DROSHA: variants seen among roughly 807,000 people sequenced by gnomAD.
DROSHA encodes the protein ribonuclease 3.
Under a neutral mutation model 181.9 loss-of-function variants are expected in DROSHA, and 56 were observed. The ratio of observed to expected loss-of-function variants is 0.31; its 90% confidence interval spans 0.25 to 0.38. The LOEUF (loss-of-function observed/expected upper bound fraction) is 0.38. DROSHA is among the 10% of genes least tolerant of loss of function. The pLI is 1.00. For synonymous variants in DROSHA, 524 were observed against 591.2 expected (o/e 0.89, Z 1.65); for missense variants, 1,218 against 1,743.5 (o/e 0.70, Z 5.37).
intron 15 of DROSHA, among the ~76,000 whole-genome samples, chr5:31,484,094 G>A (rs1488388956): frequency 6.6e-6 from 1 of 152,050 alleles, no homozygotes; most frequent in Admixed American, 6.5e-5. Flanking sequence ...TCCAACCGCT[G>A]GGCGCAGTGG....
chr5:31,482,944 A>C (rs913744309), intron 16 of DROSHA, among the ~76,000 whole-genome samples: 7 of 152,014 alleles, frequency 4.6e-5, no homozygotes, highest in Non-Finnish European at 1.0e-4. Flanking sequence ...GGTACATGTC[A>C]CTAAACTGAC....
intron 9 of DROSHA, among the ~76,000 whole-genome samples, chr5:31,509,137 T>C (rs1482862847): frequency 6.6e-6 from 1 of 152,106 alleles, no homozygotes; most frequent in East Asian, 1.9e-4. Context: ...AACTGGTTTT[T>C]GTGGAGGCTT....
chr5:31,446,662 GC>G (rs1746337084), intron 23 of DROSHA, among the ~76,000 whole-genome samples: 1 of 142,658 alleles, frequency 7.0e-6, no homozygotes, highest in East Asian at 2.1e-4. Flanking sequence ...CATAGCAAGA[GC>G]CCTGTCTCTA....
intron 16 of DROSHA, among the ~76,000 whole-genome samples, chr5:31,475,509 T>C (rs1236868038): frequency 6.6e-6 from 1 of 152,140 alleles, no homozygotes; most frequent in African/African-American, 2.4e-5. Flanking sequence ...AAAATTCTAA[T>C]GCCAGAATAC....
At chr5:31,503,936 A>G (rs1737607099) in intron 11 of DROSHA, among the ~76,000 whole-genome samples, 1 of 152,234 alleles carries the variant, frequency 6.6e-6, no homozygotes, top group Non-Finnish European at 1.5e-5. Context: ...TACTATGTTT[A>G]AATACAATGC....
intron 6 of DROSHA, among the ~76,000 whole-genome samples, chr5:31,519,175 A>G (rs559428481): frequency 6.6e-6 from 1 of 152,288 alleles, no homozygotes; most frequent in African/African-American, 2.4e-5. Context: ...CTTCTCTGCA[A>G]GCTACCAGGC....
At position 31,435,868 on chromosome 5, in the gene DROSHA, CA is replaced by C. The variant is rs199971247; in HGVS notation, c.2943-5del. 53,966 of 964,150 alleles carry C rather than the reference CA, an allele frequency of 0.056. No homozygotes were observed. Among genetic ancestry groups the C allele is most frequent in the South Asian group, 0.09 (4,299 of 47,852 alleles). 59.7% of individuals were successfully genotyped at this position (964,150 alleles called of 1,614,324 possible). A position where few individuals can be genotyped will look rare whatever the true frequency, so the allele number is the denominator to read the frequency against. Reference sequence around the variant, plus strand: ...AAACAAATAGTACAAATGGACGCTACAAAAAAAAAAAGAAGTACATGAATAA... The same window carrying C: ...AAACAAATAGTACAAATGGACGCTACAAAAAAAAAAGAAGTACATGAATAA... On this transcript the variant is annotated splice_polypyrimidine_tract_variant and splice_region_variant and intron_variant, in intron 24 of 35. Transcript: ENST00000344624.
At chr5:31,507,900 G>A (rs1002570237) in intron 10 of DROSHA, among the ~76,000 whole-genome samples, 2 of 151,996 alleles carry the variant, frequency 1.3e-5, no homozygotes, top group Admixed American at 1.3e-4. Context: ...TCTGCCAGAC[G>A]TTCTATAAAA....
intron 27 of DROSHA, among the ~76,000 whole-genome samples, chr5:31,428,145 C>A (rs761061554): frequency 6.6e-6 from 1 of 152,054 alleles, no homozygotes; most frequent in Non-Finnish European, 1.5e-5. Context: ...GGGAGAGAGG[C>A]AGTTTAAAGA....
Position 31,508,662 on chromosome 5 carries a change from C to G in DROSHA, c.1546G>C (p.Asp516His), listed in dbSNP as rs1296617291. The change falls in exon 10 of 36, where the codon GAC (aspartate) becomes CAC (histidine). Residue 516 changes from aspartate to histidine, a missense_variant. Transcript: ENST00000344624. Reference sequence around the variant, plus strand: ...TACCAAAGTTCATCATGAAGTCGGTCAGGGTGGGCCTTTTTGCGTTTGATT... The same window carrying G: ...TACCAAAGTTCATCATGAAGTCGGTGAGGGTGGGCCTTTTTGCGTTTGATT... The part of the protein sequence containing the change: ...AEIKRKKAHP[D>H]RLHDELWYND... The G allele has an allele frequency of 1.9e-6, 3 of 1,613,814 alleles. No individual in the cohort carries two copies. Among genetic ancestry groups the G allele is most frequent in the Admixed American group, 1.7e-5 (1 of 60,000 alleles).
intron 23 of DROSHA, among the ~76,000 whole-genome samples, chr5:31,444,269 T>C (rs1745992155): frequency 6.6e-6 from 1 of 152,176 alleles, no homozygotes. Flanking sequence ...GCCAAGAGGC[T>C]CTTTCTGAAC....
intron 6 of DROSHA, among the ~76,000 whole-genome samples, chr5:31,520,716 G>A (rs1739799781): frequency 6.6e-6 from 1 of 152,078 alleles, no homozygotes; most frequent in Non-Finnish European, 1.5e-5. Context: ...ATATAGAATT[G>A]ATTACACCCT....
intron 12 of DROSHA, 114 bp from the exon 13 acceptor site, chr5:31,493,407 A>G: frequency 1.2e-6 from 1 of 816,106 alleles, no homozygotes; most frequent in Non-Finnish European, 1.8e-6. Flanking sequence ...CCTTTCAGAC[A>G]CCAGGGAGAA....
chr5:31,402,212 A>C (rs1482008431), intron 35 of DROSHA, among the ~76,000 whole-genome samples: 1 of 152,176 alleles, frequency 6.6e-6, no homozygotes, highest in Non-Finnish European at 1.5e-5. Flanking sequence ...AGAATCCAAG[A>C]TGTGGGCGAG....
chr5:31,423,850 A>C (rs1743096870), intron 28 of DROSHA, among the ~76,000 whole-genome samples: 1 of 152,172 alleles, frequency 6.6e-6, no homozygotes, highest in Non-Finnish European at 1.5e-5. Flanking sequence ...GAATTCTTAA[A>C]CCATCTGGGG....
At chr5:31,410,643 T>G in intron 31 of DROSHA, 103 bp downstream of exon 31, 2 of 1,439,024 alleles carry the variant, frequency 1.4e-6, no homozygotes, top group Non-Finnish European at 1.8e-6. Flanking sequence ...GCAAACAAGG[T>G]TTCTTTAGCC....
Position 31,472,112 on chromosome 5 carries a change from T to C in DROSHA, c.2192A>G (p.Gln731Arg). 6.2e-7 allele frequency: 1 copy of C among 1,613,958 alleles called. No individual in the cohort carries two copies. The highest frequency in any genetic ancestry group is 8.5e-7 in the Non-Finnish European group (1 of 1,179,866). Residue 731 changes from glutamine (Q) to arginine (R), a missense_variant, in exon 17 of 36, where the codon CAG becomes CGG. Around this residue, in one of 8 missense-constraint regions of DROSHA, gnomAD observed 460 missense variants for 774.2 expected, o/e 0.59. Coordinates refer to ENST00000344624, the MANE Select transcript of DROSHA (RefSeq NM_001382508.1). ...GCCTTTGCATTCTTCTGCATATTTCTGCCACTCCAGCTCCTCCCACTGAAG... is the reference window on the plus strand; with the variant it reads ...GCCTTTGCATTCTTCTGCATATTTCCGCCACTCCAGCTCCTCCCACTGAAG... The part of the protein sequence containing the change: ...NMLQWEELEW[Q>R]KYAEECKGMI...
intron 33 of DROSHA, 80 bp downstream of exon 33, chr5:31,408,976 A>C: frequency 4.9e-6 from 6 of 1,228,642 alleles, no homozygotes; most frequent in Non-Finnish European, 5.8e-6. Flanking sequence ...CCCCACAATG[A>C]CTCATTCTTC....
At chr5:31,469,135 G>T (rs1749447698) in intron 17 of DROSHA, among the ~76,000 whole-genome samples, 1 of 152,248 alleles carries the variant, frequency 6.6e-6, no homozygotes, top group Middle Eastern at 3.4e-3. Flanking sequence ...AAGGCGGGTG[G>T]ATCACGAGGT....
Sources: allele counts gnomAD v4.1 joint callset (sites outside exome capture counted in the v4.1 genomes callset), GRCh38; gene constraint gnomAD v4.1.1; regional missense constraint gnomAD v4.1.1; transcripts MANE v1.5; gene names NCBI Gene and HGNC (gene_info 2026-07-23, HGNC 2026-07-21).